Variants in CRYBG1 observed in about 807,000 individuals in gnomAD.
CRYBG1 encodes the protein beta/gamma crystallin domain-containing protein 1.
In CRYBG1, 139 loss-of-function variants were observed where a neutral mutation model predicts 189.2. The observed-to-expected ratio is 0.73, with a 90% CI of 0.64 to 0.85. The LOEUF is 0.85. CRYBG1 is among the 40% of genes least tolerant of loss of function. CRYBG1 has a pLI of 0.00. For synonymous variants in CRYBG1, 1,023 were observed against 1,017.1 expected (o/e 1.01, Z -0.11); for missense variants, 2,611 against 2,675.8 (o/e 0.98, Z 0.53).
chr6:106,469,813 A>T (rs1454423183), intron 2 of CRYBG1, among the ~76,000 whole-genome samples: 1 of 152,222 alleles, frequency 6.6e-6, no homozygotes, highest in Admixed American at 6.5e-5. Context: ...CATAACAGAA[A>T]GTCATTATTT....
At chr6:106,382,190 T>C (rs1190990327) in intron 1 of CRYBG1, among the ~76,000 whole-genome samples, 1 of 152,168 alleles carries the variant, frequency 6.6e-6, no homozygotes, top group Non-Finnish European at 1.5e-5. Context: ...ACACGTGTGG[T>C]CAGTAGTCAA....
intron 2 of CRYBG1, among the ~76,000 whole-genome samples, chr6:106,493,902 TAC>T (rs1354422526): frequency 1.3e-5 from 2 of 152,106 alleles, no homozygotes; most frequent in East Asian, 3.9e-4. Context: ...CACCATGGCA[TAC>T]GTTTACCCAT....
chr6:106,427,377 C>G (rs1450291179), intron 1 of CRYBG1, among the ~76,000 whole-genome samples: 1 of 152,206 alleles, frequency 6.6e-6, no homozygotes, highest in African/African-American at 2.4e-5. Flanking sequence ...TGTTCCCTAT[C>G]TCAGTAAATC....
rs2114611262 is a variant in CRYBG1 at position 106,571,267 on chromosome 6, C to T, written c.*2701C>T. ...TTTAGAACTTTAAGAGCTGTGGTGACCACATTATGGTGGAGGAACAAAAAA... is the reference window on the plus strand; with the variant it reads ...TTTAGAACTTTAAGAGCTGTGGTGATCACATTATGGTGGAGGAACAAAAAA... On this transcript the variant is annotated 3_prime_UTR_variant, in exon 22 of 22. Transcript: ENST00000633556. 1 of 152,272 alleles carries T rather than the reference C, an allele frequency of 6.6e-6. No homozygotes were observed. The highest frequency in any genetic ancestry group is 1.9e-4 in the East Asian group (1 of 5,194). 9.4% of individuals were successfully genotyped at this position (152,272 alleles called of 1,614,324 possible).
At chr6:106,543,253 C>T (rs892732039) in intron 10 of CRYBG1, among the ~76,000 whole-genome samples, 187 bp from the exon 11 acceptor site, 5 of 152,146 alleles carry the variant, frequency 3.3e-5, no homozygotes, top group African/African-American at 4.8e-5. Flanking sequence ...TGGTCTCGAA[C>T]TCCTGACCTC....
chr6:106,542,125 T>G (rs914913948), intron 10 of CRYBG1, among the ~76,000 whole-genome samples: 2 of 147,298 alleles, frequency 1.4e-5, no homozygotes, highest in African/African-American at 2.5e-5. Context: ...TATATACATA[T>G]ATATGTGTGT....
At chr6:106,566,449 G>A (rs1394272225) in intron 21 of CRYBG1, among the ~76,000 whole-genome samples, 3 of 147,336 alleles carry the variant, frequency 2.0e-5, no homozygotes, top group South Asian at 2.2e-4. Flanking sequence ...TATCTAGCAC[G>A]GTAGCAACAA....
At chr6:106,499,523 T>G (rs1188214032) in intron 2 of CRYBG1, among the ~76,000 whole-genome samples, 3 of 151,656 alleles carry the variant, frequency 2.0e-5, no homozygotes, top group South Asian at 4.2e-4. Context: ...GACAAATAAT[T>G]TTATATATGG....
At position 106,551,968 on chromosome 6, in the gene CRYBG1, C is replaced by T; in HGVS notation, c.5429C>T (p.Pro1810Leu). 1.2e-6 allele frequency: 2 copies of T among 1,600,478 alleles called. No homozygotes were observed. The highest frequency in any genetic ancestry group is 1.7e-4 in the Middle Eastern group (1 of 6,032). The change falls in exon 14 of 22, where the codon CCT (proline) becomes CTT (leucine). Residue 1810 changes from proline to leucine, a missense_variant. By Grantham distance (98) the Pro-to-Leu change is moderately conservative. Transcript: ENST00000633556. ...GKNCKISSVQ[P>L]ICLDSFTGPR... ...AATTGTAAGATCTCTTCTGTTCAACCTATATGTTTGGTAAGGAGTTATATT... is the reference window on the plus strand; with the variant it reads ...AATTGTAAGATCTCTTCTGTTCAACTTATATGTTTGGTAAGGAGTTATATT...
At chr6:106,451,929 G>A in intron 2 of CRYBG1, 97 bp downstream of exon 2, 1 of 955,752 alleles carries the variant, frequency 1.0e-6, no homozygotes. Context: ...ATACTTAAAA[G>A]TAATGGTATA....
chr6:106,467,410 T>C (rs1772136395), intron 2 of CRYBG1, among the ~76,000 whole-genome samples: 1 of 151,998 alleles, frequency 6.6e-6, no homozygotes, highest in Non-Finnish European at 1.5e-5. Context: ...AAGTTGAGGC[T>C]GCAGTGAGCC....
intron 20 of CRYBG1, 23 bp downstream of exon 20, chr6:106,561,523 GGC>G: frequency 6.3e-7 from 1 of 1,596,410 alleles, no homozygotes; most frequent in Non-Finnish European, 8.6e-7. Flanking sequence ...ATTCCACGGG[GGC>G]CTGTGATGGC....
At chr6:106,427,001 C>T (rs1771239189) in intron 1 of CRYBG1, among the ~76,000 whole-genome samples, 1 of 152,170 alleles carries the variant, frequency 6.6e-6, no homozygotes, top group Admixed American at 6.5e-5. Flanking sequence ...TGTCCTATGA[C>T]ACTAGGCCCT....
intron 2 of CRYBG1, among the ~76,000 whole-genome samples, chr6:106,474,554 T>C (rs541150271): frequency 6.6e-6 from 1 of 152,304 alleles, no homozygotes; most frequent in African/African-American, 2.4e-5. Context: ...AAAGAGTAGA[T>C]TCAATATCTC....
chr6:106,511,765 C>A lies in CRYBG1; in HGVS notation c.648C>A (p.Ser216Arg). Residue 216 changes from serine to arginine, a missense_variant, in exon 3 of 22, where the codon AGC becomes AGA. Physicochemically the swap from Ser to Arg is moderately radical, Grantham distance 110. Around this residue, in one of 3 missense-constraint regions of CRYBG1, gnomAD observed 985 missense variants for 924.4 expected, o/e 1.07. Coordinates refer to ENST00000633556, the MANE Select transcript of CRYBG1 (RefSeq NM_001371242.2). ...ACGCCGAGCTGTCACCTCGCTGGAG[C>A]AGCAGTGCAGCGGCTGTGGCTGTGC... ...PPDAELSPRW[S>R]SSAAAVAVQQ... 1 of 1,535,230 alleles carries A rather than the reference C, an allele frequency of 6.5e-7. No individual in the cohort carries two copies. Among genetic ancestry groups the A allele is most frequent in the Non-Finnish European group, 8.7e-7 (1 of 1,146,504 alleles).
intron 2 of CRYBG1, among the ~76,000 whole-genome samples, chr6:106,495,819 T>TTTTA (rs1554186459): frequency 7.8e-6 from 1 of 128,458 alleles, no homozygotes; most frequent in Non-Finnish European, 1.6e-5. Flanking sequence ...TTTCCTTGAG[T>TTTTA]AAAAAAAAAA....
At chr6:106,453,221 T>C (rs537459163) in intron 2 of CRYBG1, among the ~76,000 whole-genome samples, 1 of 152,306 alleles carries the variant, frequency 6.6e-6, no homozygotes, top group South Asian at 2.1e-4. Flanking sequence ...GCTTACTTAG[T>C]GATGAAAAGC....
At chr6:106,451,127 T>C (rs559097447) in intron 1 of CRYBG1, among the ~76,000 whole-genome samples, 2 of 152,278 alleles carry the variant, frequency 1.3e-5, no homozygotes, top group South Asian at 4.1e-4. Flanking sequence ...AAGGGTTGGA[T>C]AAAGGGAATG....
intron 1 of CRYBG1, among the ~76,000 whole-genome samples, chr6:106,431,884 A>G (rs996096325): frequency 6.6e-6 from 1 of 152,108 alleles, no homozygotes; most frequent in Non-Finnish European, 1.5e-5. Context: ...ACAGAACCAG[A>G]TATCGTCATC....
Sources: gnomAD v4.1 joint callset for allele counts (sites outside exome capture counted in the v4.1 genomes callset) on GRCh38, gnomAD v4.1.1 for gene constraint, gnomAD v4.1.1 regional missense constraint, MANE v1.5 for transcripts, NCBI Gene and HGNC (gene_info 2026-07-23, HGNC 2026-07-21) for gene names.